NAPA: variants seen among roughly 807,000 people sequenced by gnomAD.
NAPA encodes the protein NSF attachment protein alpha.
NAPA carries 18 observed loss-of-function variants against 48.0 expected under a neutral mutation model. That is an observed-to-expected ratio of 0.38 (90% CI 0.26 to 0.56). The LOEUF (loss-of-function observed/expected upper bound fraction) is 0.56. Ranked by LOEUF, NAPA falls within the 20% of genes least tolerant of loss-of-function variation. The pLI, the probability that NAPA is intolerant of heterozygous loss-of-function variation, is 0.77. For synonymous variants in NAPA, 152 were observed against 149.9 expected, an observed-to-expected ratio of 1.01 and a Z score of -0.10; for missense variants, 315 against 385.0, an observed-to-expected ratio of 0.82 and a Z score of 1.52.
In NAPA at chr19:47,490,828, A is replaced by G; in HGVS notation, c.695T>C (p.Phe232Ser). 1 of 1,613,824 alleles carries G rather than the reference A, an allele frequency of 6.2e-7. No homozygotes were observed. The change falls in exon 9 of 11, where the codon TTC becomes TCC. Residue 232 changes from phenylalanine (F) to serine (S), a missense_variant. Physicochemically the swap from Phe to Ser is radical, Grantham distance 155 (BLOSUM62 -2). Around this residue, in one of 3 missense-constraint regions of NAPA, gnomAD observed 137 missense variants for 150.1 expected, o/e 0.91. Transcript: ENST00000263354. Reference sequence around the variant, plus strand: ...TTCCCGGGAATCAGAGAAAGCTGGGAACAGCTCCTCATACTTTTGGACAGC... The same window carrying G: ...TTCCCGGGAATCAGAGAAAGCTGGGGACAGCTCCTCATACTTTTGGACAGC... Reference protein sequence around the residue: ...KLAVQKYEELFPAFSDSRECK... With the variant: ...KLAVQKYEELSPAFSDSRECK...
chr19:47,513,936 A>G (rs1329075374), intron 1 of NAPA, among the ~76,000 whole-genome samples: 2 of 30,250 alleles, frequency 6.6e-5, no homozygotes, highest in African/African-American at 1.1e-4. Context: ...TGCAACCTCT[A>G]CCTCCGGGTT....
At position 47,500,360 on chromosome 19, in the gene NAPA, A is replaced by G. The variant is rs552961856; in HGVS notation, c.295+273T>C. Among the ~76,000 whole-genome samples the G allele has an allele frequency of 2.0e-5, 3 of 152,190 alleles. No homozygotes were observed. The South Asian group carries it at 6.2e-4, about 32-fold the overall frequency. ...TCTGCAATGGAACTCCCACTCCCAA[A>G]TGCTCCGGGATTGGGAAGGGGTGAT... On this transcript the variant is annotated intron_variant, in intron 3 of 10. Coordinates refer to ENST00000263354, the MANE Select transcript of NAPA (RefSeq NM_003827.4).
chr19:47,494,105 C>T lies in NAPA; in HGVS notation c.343-612G>A, dbSNP rs116492655. 2.8e-3 allele frequency among the ~76,000 whole-genome samples: 427 copies of T among 152,268 alleles called. 1 individual carries two copies. The highest frequency in any genetic ancestry group is 9.9e-3 in the African/African-American group (410 of 41,566). On this transcript the variant is annotated intron_variant, in intron 4 of 10. Transcript: ENST00000263354. ...TGCTCTGCACCAGGGGCTGGTCCAA[C>T]GCCACCCCCTTGCTGAGGGCAGTAG...
chr19:47,495,426 T>C, intron 4 of NAPA, 124 bp downstream of exon 4: 1 of 1,110,330 alleles, frequency 9.0e-7, no homozygotes, highest in South Asian at 1.3e-5. Flanking sequence ...CAGCTCCCAC[T>C]TCCCCCTCCC....
At chr19:47,503,654 C>T in intron 1 of NAPA, 152 bp from the exon 2 acceptor site, 1 of 729,216 alleles carries the variant, frequency 1.4e-6, no homozygotes, top group Admixed American at 2.2e-5. Context: ...AGTCTGTGGC[C>T]CCCGCCCCTG....
chr19:47,488,646 G>A (rs1968150455), intron 10 of NAPA: 3 of 253,344 alleles, frequency 1.2e-5, no homozygotes, highest in Non-Finnish European at 2.3e-5. Flanking sequence ...ATGGCTGGGC[G>A]CAGTAGCTCA....
chr19:47,500,819 G>A (rs891245657), intron 2 of NAPA, 70 bp from the exon 3 acceptor site: 1 of 1,223,806 alleles, frequency 8.2e-7, no homozygotes, highest in African/African-American at 1.5e-5. Flanking sequence ...CAGAGACACT[G>A]CCCTGGGAGG....
intron 2 of NAPA, among the ~76,000 whole-genome samples, chr19:47,501,969 G>A (rs1485917639): frequency 2.6e-5 from 4 of 152,024 alleles, no homozygotes; most frequent in African/African-American, 4.8e-5. Context: ...ACGGCCAGGC[G>A]CGGTGGCTCA....
intron 1 of NAPA, among the ~76,000 whole-genome samples, chr19:47,507,222 C>T (rs766462649): frequency 1.3e-5 from 2 of 152,188 alleles, no homozygotes; most frequent in Non-Finnish European, 2.9e-5. Flanking sequence ...TATAATTACC[C>T]GCTCAGCTTT....
rs755611617 is a variant in NAPA, at chr19:47,495,568, G to T, written c.324C>A (p.Ile108=). The T allele has an allele frequency of 6.3e-7, 1 of 1,585,162 alleles. No individual in the cohort carries two copies. Among genetic ancestry groups the T allele is most frequent in the South Asian group, 1.1e-5 (1 of 89,856 alleles). Residue 108 remains isoleucine (I), a synonymous_variant, in exon 4 of 11, where the codon ATC becomes ATA. Transcript: ENST00000263354. ...CCCTTACCATGTCTGTGTAGATCTCGATTGCTCGCATCAAACAGTTAATGG... is the reference window on the plus strand; with the variant it reads ...CCCTTACCATGTCTGTGTAGATCTCTATTGCTCGCATCAAACAGTTAATGG... ...QEAINCLMRA[I]EIYTDMGRFT... is the part of the protein sequence containing the mutation.
At chr19:47,509,546 C>T (rs1308609309) in intron 1 of NAPA, among the ~76,000 whole-genome samples, 3 of 152,094 alleles carry the variant, frequency 2.0e-5, no homozygotes. Context: ...CTGGCCACAC[C>T]ACGGGCGTTC....
At chr19:47,514,596 T>C (rs962089102) in intron 1 of NAPA, among the ~76,000 whole-genome samples, 1 of 152,030 alleles carries the variant, frequency 6.6e-6, no homozygotes, top group Non-Finnish European at 1.5e-5. Flanking sequence ...GTCGCCTCGG[T>C]CCGTGTGTCC....
intron 3 of NAPA, chr19:47,496,375 G>A (rs1968423610): frequency 6.5e-6 from 1 of 152,834 alleles, no homozygotes; most frequent in African/African-American, 2.4e-5. Context: ...TTTAAATTTG[G>A]GAAAGGCTTT....
At chr19:47,492,810 G>C (rs1392013737) in intron 7 of NAPA, 151 bp downstream of exon 7, 9 of 748,800 alleles carry the variant, frequency 1.2e-5, no homozygotes, top group Non-Finnish European at 1.9e-5. Context: ...CTGAAGACAG[G>C]GTGGGGGGAT....
downstream of NAPA, among the ~76,000 whole-genome samples, chr19:47,485,324 G>C (rs115185192): frequency 5.0e-4 from 76 of 152,354 alleles, no homozygotes; most frequent in Non-Finnish European, 7.6e-4. Flanking sequence ...TCAAATGGAG[G>C]CTCAGAAAGA....
chr19:47,492,552 C>CT, intron 7 of NAPA: 1 of 401,952 alleles, frequency 2.5e-6, no homozygotes. Flanking sequence ...TCCGTGCACG[C>CT]TGGGGGGACC....
rs772589380 is a variant in NAPA, at chr19:47,493,300, C to T, written c.420+116G>A. The T allele has an allele frequency of 2.1e-5, 31 of 1,489,112 alleles. 1 individual carries two copies. The highest frequency in any genetic ancestry group is 8.3e-5 in the South Asian group (7 of 84,114). The allele number at this position is 1,489,112 out of a possible 1,614,324, so 92.2% of individuals were successfully genotyped here. A position where few individuals can be genotyped will look rare whatever the true frequency, so the allele number is the denominator to read the frequency against. On this transcript the variant is annotated intron_variant, in intron 5 of 10. Transcript: ENST00000263354. This position sits in a 1 kb window ranked among gnomAD's most constrained non-coding sequence, Gnocchi z 6.4. The stretch of plus-strand genomic sequence containing the variant: ...CCAGACCCCATTCTCCAAGCTCTGC[C>T]GGCGCCCCATGCCCCCTTCTCGGCA...
intron 9 of NAPA, 44 bp downstream of exon 9, chr19:47,490,742 CCG>C: frequency 6.3e-7 from 1 of 1,575,326 alleles, no homozygotes; most frequent in Non-Finnish European, 8.7e-7. Context: ...CCAGCCACCC[CCG>C]TCTGAGGTTC....
chr19:47,485,880 G>A (rs536818557), downstream of NAPA, among the ~76,000 whole-genome samples: 7 of 152,318 alleles, frequency 4.6e-5, no homozygotes, highest in East Asian at 1.9e-4. Context: ...GGAGTGGCAC[G>A]TGGGTCTAGT....
Sources: allele counts gnomAD v4.1 joint callset (sites outside exome capture counted in the v4.1 genomes callset), GRCh38; gene constraint gnomAD v4.1.1; regional missense constraint gnomAD v4.1.1; non-coding constraint Gnocchi (gnomAD v3.1); transcripts MANE v1.5; gene names NCBI Gene and HGNC (gene_info 2026-07-23, HGNC 2026-07-21).